Variants in ANKRD22 observed in about 807,000 individuals in gnomAD.
The protein encoded by ANKRD22 is ankyrin repeat domain 22, also known as ankyrin repeat domain-containing protein 22.
In ANKRD22, 24 loss-of-function variants were observed where a neutral mutation model predicts 25.7. The ratio of observed to expected loss-of-function variants is 0.93; its 90% CI spans 0.68 to 1.31. The LOEUF is 1.31. Among genes scored for constraint, ANKRD22 ranks in the 50% most tolerant of loss-of-function variants. The pLI, the probability that ANKRD22 is intolerant of heterozygous loss-of-function variation, is 0.00. For missense variants in ANKRD22, 214 were observed against 227.1 expected (o/e 0.94, Z 0.37); for synonymous variants, 84 against 84.3 (o/e 1.00, Z 0.02).
intron 1 of ANKRD22, among the ~76,000 whole-genome samples, chr10:88,832,531 G>GACAAA (rs1209486688): frequency 6.6e-6 from 1 of 151,306 alleles, no homozygotes. Flanking sequence ...CTTTACTAAA[G>GACAAA]ATAAAATGTC....
rs772859209 is a variant in ANKRD22 at position 88,836,753 on chromosome 10, C to A, written c.22-4727G>T. Among the ~76,000 whole-genome samples, 9 of 152,172 alleles carry A rather than the reference C, an allele frequency of 5.9e-5. 1 individual carries two copies. The highest frequency in any genetic ancestry group is 2.1e-4 in the South Asian group (1 of 4,826). On this transcript the variant is annotated intron_variant, in intron 1 of 5. Transcript: ENST00000371930. ...CTGGTTATACATCCAGACTCCTTCT[C>A]CAACCTGACCTAGAATCAGCAATAT... is the stretch of plus-strand genomic sequence containing the variant.
intron 1 of ANKRD22, among the ~76,000 whole-genome samples, chr10:88,838,102 C>G (rs536788363): frequency 3.9e-5 from 6 of 152,242 alleles, no homozygotes; most frequent in African/African-American, 1.4e-4. Context: ...GACTTTTGAG[C>G]ATGATGGGGA....
intron 1 of ANKRD22, among the ~76,000 whole-genome samples, chr10:88,837,639 T>C (rs1481732865): frequency 6.6e-6 from 1 of 152,238 alleles, no homozygotes; most frequent in Non-Finnish European, 1.5e-5. Flanking sequence ...AATAAATAGA[T>C]ACATCTAGAT....
intron 3 of ANKRD22, among the ~76,000 whole-genome samples, chr10:88,826,411 T>C (rs571688048): frequency 2.0e-5 from 3 of 152,332 alleles, no homozygotes; most frequent in Admixed American, 2.0e-4. Context: ...AGTACCTGTC[T>C]TTCCCTTCCT....
At chr10:88,844,562 A>G (rs529695726) in intron 1 of ANKRD22, among the ~76,000 whole-genome samples, 6 of 152,208 alleles carry the variant, frequency 3.9e-5, no homozygotes, top group African/African-American at 1.4e-4. Flanking sequence ...GGAGCTATGT[A>G]TCAAGAGCTG....
At chr10:88,832,966 C>T (rs1167837596) in intron 1 of ANKRD22, among the ~76,000 whole-genome samples, 1 of 152,150 alleles carries the variant, frequency 6.6e-6, no homozygotes, top group Non-Finnish European at 1.5e-5. Context: ...CCTAGCTCAC[C>T]CTTCATGTCA....
At chr10:88,848,566 A>AT (rs547581166) in intron 1 of ANKRD22, among the ~76,000 whole-genome samples, 2 of 152,050 alleles carry the variant, frequency 1.3e-5, no homozygotes, top group African/African-American at 2.4e-5. Flanking sequence ...TGAGAATGCA[A>AT]TTTTTTCCCC....
chr10:88,832,672 G>GT lies in ANKRD22; in HGVS notation c.22-647dup, dbSNP rs111876770. On this transcript the variant is annotated intron_variant, in intron 1 of 5. Coordinates refer to ENST00000371930, the MANE Select transcript of ANKRD22 (RefSeq NM_144590.3). ...GGAGCTCAACAGAGCAGAAAAGACA[G>GT]TTTTTTAGGCAAATAATATACAAAT... Among the ~76,000 whole-genome samples, 14 of 152,284 alleles carry GT rather than the reference G, an allele frequency of 9.2e-5. 2 individuals carry two copies. Among genetic ancestry groups the GT allele is most frequent in the African/African-American group, 3.4e-4 (14 of 41,556 alleles).
intron 1 of ANKRD22, among the ~76,000 whole-genome samples, chr10:88,835,998 T>C (rs1157277122): frequency 6.6e-6 from 1 of 152,184 alleles, no homozygotes; most frequent in Non-Finnish European, 1.5e-5. Context: ...GAAACACACT[T>C]GGGAAATTAT....
In ANKRD22 at chr10:88,828,655, G is replaced by C. The variant is rs1400148464; in HGVS notation, c.225C>G (p.Thr75=). 3 of 1,585,214 alleles carry C rather than the reference G, an allele frequency of 1.9e-6. No homozygotes were observed. In the East Asian group the frequency reaches 6.7e-5, roughly 36 times the overall value. ...TTTTCTTCACAGCATAATGCAAGCAGGTTCTCTCTTTCTAAAAATTAAGAA... is the reference window on the plus strand; with the variant it reads ...TTTTCTTCACAGCATAATGCAAGCACGTTCTCTCTTTCTAAAAATTAAGAA... ...NVNLKNQKER[T]CLHYAVKKKF... Residue 75 remains threonine, a synonymous_variant, in exon 3 of 6, where the codon ACC becomes ACG. Transcript: ENST00000371930.
chr10:88,833,087 T>C (rs1190251371), intron 1 of ANKRD22, among the ~76,000 whole-genome samples: 2 of 152,184 alleles, frequency 1.3e-5, no homozygotes, highest in African/African-American at 4.8e-5. Flanking sequence ...TGTACAATCA[T>C]GTATTTAGGG....
intron 2 of ANKRD22, among the ~76,000 whole-genome samples, chr10:88,831,534 G>A (rs1208536317): frequency 6.6e-6 from 1 of 152,194 alleles, no homozygotes; most frequent in Non-Finnish European, 1.5e-5. Flanking sequence ...GAGGAAGAAA[G>A]AGGAGGATGA....
At chr10:88,843,078 T>C (rs1485401080) in intron 1 of ANKRD22, among the ~76,000 whole-genome samples, 1 of 152,150 alleles carries the variant, frequency 6.6e-6, no homozygotes, top group African/African-American at 2.4e-5. Flanking sequence ...CTGACTTCCA[T>C]TAGCGTGCAG....
chr10:88,847,409 C>T (rs1313359829), intron 1 of ANKRD22, among the ~76,000 whole-genome samples: 1 of 152,132 alleles, frequency 6.6e-6, no homozygotes, highest in Non-Finnish European at 1.5e-5. Context: ...CAGGCACATG[C>T]CTCCACACCC....
At chr10:88,840,774 A>G (rs1330126920) in intron 1 of ANKRD22, among the ~76,000 whole-genome samples, 1 of 152,192 alleles carries the variant, frequency 6.6e-6, no homozygotes, top group Admixed American at 6.6e-5. Flanking sequence ...ATAAAAACCT[A>G]TTGGGTTTAA....
At chr10:88,846,199 A>G (rs1040920379) in intron 1 of ANKRD22, among the ~76,000 whole-genome samples, 10 of 152,038 alleles carry the variant, frequency 6.6e-5, no homozygotes, top group Admixed American at 5.9e-4. Flanking sequence ...TTTATTTATA[A>G]TACTTACTGA....
intron 1 of ANKRD22, among the ~76,000 whole-genome samples, chr10:88,838,390 G>A (rs1268839779): frequency 6.6e-6 from 1 of 152,174 alleles, no homozygotes; most frequent in African/African-American, 2.4e-5. Flanking sequence ...ATGTAAGCCA[G>A]ATAAAGACAA....
At chr10:88,838,932 G>A (rs897965332) in intron 1 of ANKRD22, among the ~76,000 whole-genome samples, 1 of 152,148 alleles carries the variant, frequency 6.6e-6, no homozygotes, top group Admixed American at 6.5e-5. Flanking sequence ...TACCAGCAGG[G>A]TGCATGAGTT....
intron 3 of ANKRD22, 104 bp downstream of exon 3, chr10:88,828,455 T>C: frequency 1.1e-6 from 1 of 880,132 alleles, no homozygotes; most frequent in Admixed American, 2.4e-5. Flanking sequence ...CAAAGGCTTT[T>C]TTTGTTTTTA....
Sources: allele counts gnomAD v4.1 joint callset (sites outside exome capture counted in the v4.1 genomes callset), GRCh38; gene constraint gnomAD v4.1.1; transcripts MANE v1.5; gene names NCBI Gene and HGNC (gene_info 2026-07-23, HGNC 2026-07-21).